Variants in DMD observed in about 807,000 individuals in gnomAD.
The protein encoded by DMD is dystrophin, also known as mutant dystrophin.
DMD carries 63 observed loss-of-function variants against 330.1 expected under a neutral mutation model. The observed-to-expected ratio is 0.19, with a 90% CI of 0.16 to 0.24. The LOEUF is 0.24. Ranked by LOEUF, DMD falls within the 10% of genes least tolerant of loss-of-function variation. The pLI is 1.00. For missense variants in DMD, 3,344 were observed against 2,684.1 expected (o/e 1.25, Z -5.43); for synonymous variants, 1,223 against 959.8 (o/e 1.27, Z -5.07).
intron 7 of DMD, among the ~76,000 whole-genome samples, chrX:32,700,864 C>T (rs1198853158): frequency 9.0e-6 from 1 of 111,395 alleles, no homozygotes; most frequent in Non-Finnish European, 1.9e-5. Context: ...AGTGAAAAAG[C>T]CAAGAGTAAA....
intron 55 of DMD, among the ~76,000 whole-genome samples, chrX:31,588,645 T>C (rs1443376440): frequency 9.0e-6 from 1 of 110,780 alleles, no homozygotes; most frequent in Non-Finnish European, 1.9e-5. Context: ...TACTCTTCCC[T>C]TGAGAACTGT....
At chrX:32,472,692 G>C (rs1048138597) in intron 21 of DMD, among the ~76,000 whole-genome samples, 1 of 110,843 alleles carries the variant, frequency 9.0e-6, no homozygotes, top group African/African-American at 3.3e-5. Context: ...ATACTGAAAG[G>C]CTACTCTCTC....
At chrX:32,572,134 C>A (rs2052490896) in intron 15 of DMD, among the ~76,000 whole-genome samples, 2 of 111,304 alleles carry the variant, frequency 1.8e-5, no homozygotes, top group Admixed American at 9.6e-5. Context: ...ATTCTTTGAG[C>A]AATAATTTCT....
chrX:31,275,161 GTGT>G (rs2052000413), intron 62 of DMD, among the ~76,000 whole-genome samples: 1 of 31,469 alleles, frequency 3.2e-5, no homozygotes, highest in Non-Finnish European at 7.3e-5. Context: ...GGTTTTGTGT[GTGT>G]GTGTGTGTGT....
At position 32,365,121 on chromosome X, in the gene DMD, A is replaced by T. The variant is rs376720373; in HGVS notation, c.4924T>A (p.Leu1642Met). Reference sequence around the variant, plus strand: ...TCCACCAACGTCTCCTTCTTGCCCAAAACTGTTTTCAAGGCCTCTCCTACC... The same window carrying T: ...TCCACCAACGTCTCCTTCTTGCCCATAACTGTTTTCAAGGCCTCTCCTACC... ...TEVGEALKTV[L>M]GKKETLVEDK... is the part of the protein sequence containing the mutation. Residue 1642 changes from leucine (L) to methionine (M), a missense_variant, in exon 35 of 79, where the codon TTG (leucine) becomes ATG (methionine). Physicochemically the swap from Leu to Met is conservative, Grantham distance 15 (BLOSUM62 2). Transcript: ENST00000357033. 4 of 1,208,650 alleles carry T rather than the reference A, an allele frequency of 3.3e-6. No individual in the cohort carries two copies. The highest frequency in any genetic ancestry group is 2.2e-5 in the Admixed American group (1 of 45,491).
intron 7 of DMD, among the ~76,000 whole-genome samples, chrX:32,709,322 T>C (rs751184291): frequency 8.9e-6 from 1 of 111,918 alleles, no homozygotes; most frequent in African/African-American, 3.2e-5. Flanking sequence ...GTAACACAAA[T>C]ATGATGATGA....
At chrX:32,644,096 G>A in intron 11 of DMD, 36 bp downstream of exon 11, 1 of 1,129,264 alleles carries the variant, frequency 8.9e-7, no homozygotes, top group Non-Finnish European at 1.2e-6. Context: ...TCCAAAACTT[G>A]TTAGTCTTCT....
intron 62 of DMD, among the ~76,000 whole-genome samples, chrX:31,313,783 C>A (rs2055738303): frequency 1.9e-5 from 2 of 107,828 alleles, no homozygotes; most frequent in African/African-American, 6.8e-5. Flanking sequence ...GGATAAGCCT[C>A]CAACTTTTTT....
intron 16 of DMD, among the ~76,000 whole-genome samples, chrX:32,557,881 G>A (rs1045425000): frequency 9.1e-6 from 1 of 110,187 alleles, no homozygotes; most frequent in Non-Finnish European, 1.9e-5. Flanking sequence ...GTTCAGGACA[G>A]TAGCCTGGTA....
chrX:32,571,770 T>TC (rs1274123164), intron 15 of DMD, among the ~76,000 whole-genome samples: 1 of 111,490 alleles, frequency 9.0e-6, no homozygotes, highest in Admixed American at 9.6e-5. Flanking sequence ...CTAATAACCC[T>TC]CCTAGGAACC....
In DMD at chrX:31,510,561, A is replaced by G. The variant is rs762443432; in HGVS notation, c.8218-3108T>C. 1.8e-3 allele frequency among the ~76,000 whole-genome samples: 175 copies of G among 97,460 alleles called. 1 individual carries two copies. The highest frequency in any genetic ancestry group is 5.9e-3 in the African/African-American group (147 of 25,092). The allele number at this position is 97,460 out of a possible 115,157, so 84.6% of individuals were successfully genotyped here. A position where few individuals can be genotyped will look rare whatever the true frequency, so the allele number is the denominator to read the frequency against. On this transcript the variant is annotated intron_variant, in intron 55 of 78. Coordinates refer to ENST00000357033, the MANE Select transcript of DMD (RefSeq NM_004006.3). The stretch of plus-strand genomic sequence containing the variant: ...CTCGCTCTGTCACCCAGGCTGGAGC[A>G]CAGTGGCGCGATCTTGGCTCACTGC...
intron 59 of DMD, among the ~76,000 whole-genome samples, chrX:31,456,724 G>C (rs1457177139): frequency 9.1e-6 from 1 of 110,351 alleles, no homozygotes; most frequent in Non-Finnish European, 1.9e-5. Context: ...TTACAATGTA[G>C]AATGAAGATG....
intron 7 of DMD, among the ~76,000 whole-genome samples, chrX:32,727,770 T>C (rs1175742688): frequency 1.8e-5 from 2 of 108,526 alleles, no homozygotes; most frequent in Non-Finnish European, 3.8e-5. Context: ...TACACACATA[T>C]ACATATTAGC....
intron 47 of DMD, among the ~76,000 whole-genome samples, chrX:31,889,937 CATTT>C (rs2094217837): frequency 1.8e-5 from 2 of 110,205 alleles, no homozygotes; most frequent in Non-Finnish European, 3.8e-5. Context: ...TCATTTTGTT[CATTT>C]GTTTGATAAA....
intron 29 of DMD, among the ~76,000 whole-genome samples, chrX:32,437,509 T>C (rs1286320720): frequency 1.8e-5 from 2 of 112,176 alleles, no homozygotes; most frequent in African/African-American, 6.5e-5. Context: ...TATTATTTGT[T>C]TTTATGTCTT....
At chrX:31,635,193 T>C (rs889870868) in intron 54 of DMD, among the ~76,000 whole-genome samples, 5 of 111,993 alleles carry the variant, frequency 4.5e-5, no homozygotes, top group African/African-American at 1.3e-4. Context: ...TGTTGACCTA[T>C]AGTTGGACAC....
intron 11 of DMD, among the ~76,000 whole-genome samples, chrX:32,618,845 C>T (rs1602214194): frequency 9.0e-6 from 1 of 110,574 alleles, no homozygotes. Context: ...AAAAGAAAAC[C>T]TTTACACACT....
chrX:32,581,440 A>AT (rs888829684), intron 13 of DMD, among the ~76,000 whole-genome samples: 20 of 111,539 alleles, frequency 1.8e-4, no homozygotes, highest in Admixed American at 1.4e-3. Context: ...TTCATGTCAC[A>AT]TTTTTTTCAA....
At chrX:32,155,169 T>A (rs1427972722) in intron 44 of DMD, among the ~76,000 whole-genome samples, 1 of 110,681 alleles carries the variant, frequency 9.0e-6, no homozygotes, top group African/African-American at 3.3e-5. Context: ...TTATTCTGCC[T>A]CTAACTAGCT....
Sources: allele counts gnomAD v4.1 joint callset (sites outside exome capture counted in the v4.1 genomes callset), GRCh38; gene constraint gnomAD v4.1.1; transcripts MANE v1.5; gene names NCBI Gene and HGNC (gene_info 2026-07-23, HGNC 2026-07-21).